The following SLC2A9 variants were observed in gnomAD, a reference collection of about 807,000 sequenced individuals.
The protein encoded by SLC2A9 is solute carrier family 2 member 9.
Under a neutral mutation model 50.6 loss-of-function variants are expected in SLC2A9, and 39 were observed. The ratio of observed to expected loss-of-function variants is 0.77; its 90% CI spans 0.60 to 1.01. The LOEUF (loss-of-function observed/expected upper bound fraction) is 1.01, where lower values mean the gene tolerates loss of function less well. Ranked by LOEUF, SLC2A9 falls within the 50% of genes least tolerant of loss-of-function variation. SLC2A9 has a pLI of 0.00. For missense variants in SLC2A9, 686 were observed against 677.6 expected, an observed-to-expected ratio of 1.01 and a Z score of -0.14; for synonymous variants, 324 against 276.9, an observed-to-expected ratio of 1.17 and a Z score of -1.69.
intron 10 of SLC2A9, among the ~76,000 whole-genome samples, chr4:9,860,858 A>C (rs1731507015): frequency 6.6e-6 from 1 of 152,196 alleles, no homozygotes; most frequent in South Asian, 2.1e-4. Flanking sequence ...ATGCTGAATG[A>C]CACACGGGGC....
chr4:9,883,779 T>C (rs137960550), intron 10 of SLC2A9, among the ~76,000 whole-genome samples: 55 of 152,286 alleles, frequency 3.6e-4, no homozygotes, highest in African/African-American at 1.3e-3. Flanking sequence ...CTGAGTTCCC[T>C]GGTCATGATT....
At chr4:9,821,688 G>T (rs112222722), downstream of SLC2A9, among the ~76,000 whole-genome samples, 527 of 152,252 alleles carry the variant, frequency 3.5e-3, 2 homozygotes, top group Non-Finnish European at 5.6e-3. Context: ...ACAAATATTG[G>T]TCTGCAGTTT....
intron 10 of SLC2A9, among the ~76,000 whole-genome samples, chr4:9,862,234 G>A (rs1731773466): frequency 1.3e-5 from 2 of 152,026 alleles, no homozygotes; most frequent in Non-Finnish European, 2.9e-5. Flanking sequence ...TATAGGTCTG[G>A]AGCTTACACC....
At chr4:10,010,775 G>A (rs543878269) in intron 2 of SLC2A9, among the ~76,000 whole-genome samples, 2 of 152,178 alleles carry the variant, frequency 1.3e-5, no homozygotes, top group East Asian at 1.9e-4. Flanking sequence ...GAACTGTCCC[G>A]CCCACCTCAC....
At chr4:10,008,126 C>A (rs1761115848) in intron 2 of SLC2A9, among the ~76,000 whole-genome samples, 1 of 152,232 alleles carries the variant, frequency 6.6e-6, no homozygotes, top group Non-Finnish European at 1.5e-5. Context: ...ACCACTGCCC[C>A]CACTGCACTA....
chr4:9,944,521 C>T (rs1345153416), intron 5 of SLC2A9, among the ~76,000 whole-genome samples: 1 of 152,224 alleles, frequency 6.6e-6, no homozygotes, highest in African/African-American at 2.4e-5. Flanking sequence ...GGTCTTCTTT[C>T]TACCTCTGGA....
chr4:9,843,937 A>G (rs1445224994), intron 10 of SLC2A9, among the ~76,000 whole-genome samples: 3 of 152,154 alleles, frequency 2.0e-5, no homozygotes, highest in Non-Finnish European at 4.4e-5. Flanking sequence ...GCCTTCCCCA[A>G]TAACATATAG....
chr4:9,946,741 C>T (rs1428889210), intron 5 of SLC2A9, among the ~76,000 whole-genome samples: 1 of 152,222 alleles, frequency 6.6e-6, no homozygotes, highest in Non-Finnish European at 1.5e-5. Context: ...TACATAAGAA[C>T]AGTCCAGAAT....
At chr4:9,891,774 G>A (rs1737485016) in intron 8 of SLC2A9, among the ~76,000 whole-genome samples, 1 of 152,210 alleles carries the variant, frequency 6.6e-6, no homozygotes, top group African/African-American at 2.4e-5. Flanking sequence ...GGAGCAGACA[G>A]AGATGTGGAG....
At chr4:9,936,410 C>T (rs1747094477) in intron 6 of SLC2A9, among the ~76,000 whole-genome samples, 1 of 152,188 alleles carries the variant, frequency 6.6e-6, no homozygotes, top group East Asian at 1.9e-4. Flanking sequence ...GCTCTGCTAA[C>T]TCTCAGCTAA....
intron 2 of SLC2A9, among the ~76,000 whole-genome samples, chr4:10,004,536 AT>A (rs1560473240): frequency 6.6e-6 from 1 of 152,322 alleles, no homozygotes; most frequent in East Asian, 1.9e-4. Flanking sequence ...GTCCTAGAGA[AT>A]GGTGGAACCA....
At chr4:10,017,908 T>C (rs1348011272) in intron 2 of SLC2A9, among the ~76,000 whole-genome samples, 7 of 151,860 alleles carry the variant, frequency 4.6e-5, no homozygotes, top group Non-Finnish European at 8.8e-5. Context: ...AACCTGGAGC[T>C]CCCCGCATTT....
chr4:9,826,024 C>G (rs986434830), downstream of SLC2A9, among the ~76,000 whole-genome samples: 3 of 152,134 alleles, frequency 2.0e-5, no homozygotes, highest in Non-Finnish European at 4.4e-5. Flanking sequence ...CCTATCAGAC[C>G]AAATTGATTT....
chr4:9,974,743 G>GA (rs945182044), intron 5 of SLC2A9, among the ~76,000 whole-genome samples: 4 of 151,154 alleles, frequency 2.6e-5, no homozygotes, highest in African/African-American at 2.4e-5. Context: ...CACCAAACTA[G>GA]AAAAAAAAAT....
Position 9,773,338 on chromosome 4 carries a change from A to G in SLC2A9, n.182-1969T>C, listed in dbSNP as rs552069976. Among the ~76,000 whole-genome samples, 87 of 152,280 alleles carry G rather than the reference A, an allele frequency of 5.7e-4. 1 individual carries two copies. The highest frequency in any genetic ancestry group is 2.4e-3 in the Admixed American group (36 of 15,302). ...GCTGGTGGCTGGGAGCTCAGCTTGT[A>G]TCCTGTAGCTACAGAACAGAGCTTT... On this transcript the variant is annotated intron_variant and non_coding_transcript_variant, in intron 1 of 1. Coordinates refer to the SLC2A9 transcript ENST00000508585.
intron 7 of SLC2A9, among the ~76,000 whole-genome samples, chr4:9,915,760 A>G (rs939626784): frequency 6.6e-6 from 1 of 152,248 alleles, no homozygotes; most frequent in Non-Finnish European, 1.5e-5. Context: ...TCATCAGGAC[A>G]TAGCAAACTG....
At chr4:9,914,256 A>G (rs1002074513) in intron 7 of SLC2A9, among the ~76,000 whole-genome samples, 2 of 152,214 alleles carry the variant, frequency 1.3e-5, no homozygotes, top group Non-Finnish European at 2.9e-5. Context: ...TGGGAGCACC[A>G]GGGATGAATC....
At chr4:9,833,338 C>A (rs193194588) in intron 11 of SLC2A9, among the ~76,000 whole-genome samples, 4 of 152,222 alleles carry the variant, frequency 2.6e-5, no homozygotes, top group African/African-American at 4.8e-5. Flanking sequence ...GGTGTGGCAG[C>A]CTTCTAACTC....
chr4:9,799,087 CT>C (rs1301421800), exon 4 of SLC2A9: 1 of 152,174 alleles, frequency 6.6e-6, no homozygotes, highest in African/African-American at 2.4e-5. Flanking sequence ...CTCAGTTTGA[CT>C]TTTCATAAGT....
Sources: allele counts gnomAD v4.1 joint callset (sites outside exome capture counted in the v4.1 genomes callset), GRCh38; gene constraint gnomAD v4.1.1; transcripts MANE v1.5; gene names NCBI Gene and HGNC (gene_info 2026-07-23, HGNC 2026-07-21).